KCNA6: variants seen among roughly 807,000 people sequenced by gnomAD.
KCNA6 encodes human brain potassium channel-2.
In KCNA6, 17 loss-of-function variants were observed where a neutral mutation model predicts 29.5. The ratio of observed to expected loss-of-function variants is 0.58; its 90% CI spans 0.39 to 0.86. The LOEUF (loss-of-function observed/expected upper bound fraction) is 0.86. Among genes scored for constraint, KCNA6 ranks in the 40% least tolerant of loss-of-function variants. The probability of loss-of-function intolerance (pLI) is 0.00; values close to 1 mark genes in which losing one functional copy is unlikely to be tolerated. For synonymous variants in KCNA6, 296 were observed against 304.7 expected, an observed-to-expected ratio of 0.97 and a Z score of 0.30; for missense variants, 450 against 703.4, an observed-to-expected ratio of 0.64 and a Z score of 4.07.
At chr12:4,845,984 GTT>G in the KCNA6 span, among the ~76,000 whole-genome samples, 614 of 129,462 alleles carry the variant, frequency 4.7e-3, 1 homozygote, top group African/African-American at 0.017. Flanking sequence ...GAATTTTAGA[GTT>G]TTTTTTTTTT....
chr12:4,829,325 A>G, the KCNA6 span, among the ~76,000 whole-genome samples: 1 of 152,072 alleles, frequency 6.6e-6, no homozygotes, highest in East Asian at 1.9e-4. Flanking sequence ...CCCCTCCTTG[A>G]GCTGATTTGC....
the KCNA6 span, among the ~76,000 whole-genome samples, chr12:4,829,741 A>C: frequency 2.0e-5 from 3 of 152,118 alleles, no homozygotes; most frequent in African/African-American, 7.2e-5. Context: ...GTGTGCAGCC[A>C]TAGTTGGGTA....
At chr12:4,829,393 A>G in the KCNA6 span, among the ~76,000 whole-genome samples, 1 of 152,196 alleles carries the variant, frequency 6.6e-6, no homozygotes, top group African/African-American at 2.4e-5. Flanking sequence ...GAGCTAATCG[A>G]CAAACTTTTC....
chr12:4,849,041 AC>A, the KCNA6 span, among the ~76,000 whole-genome samples: 87,929 of 151,072 alleles, frequency 0.58, 25,876 homozygotes, highest in Admixed American at 0.64. Context: ...AATCATTTGA[AC>A]CCCGGGAGTC....
chr12:4,839,012 A>T, the KCNA6 span: 11 of 152,236 alleles, frequency 7.2e-5, no homozygotes, highest in African/African-American at 2.7e-4. Context: ...CCTTAAAGAT[A>T]TTCTCCTGCT....
rs1348771593 is a variant in KCNA6, at chr12:4,810,040, G to A, written c.-2G>A. ...TGGCGGGGAGCGCACCTCCGAGGGG[G>A]CATGAGATCGGAGAAATCCCTTACG... On this transcript the variant is annotated 5_prime_UTR_variant, in exon 1 of 1. Transcript: ENST00000280684. This position sits in a 1 kb window ranked among gnomAD's most constrained non-coding sequence, Gnocchi z 7.5. The A allele has an allele frequency of 6.6e-7, 1 of 1,519,078 alleles. No individual in the cohort carries two copies. The highest frequency in any genetic ancestry group is 8.8e-7 in the Non-Finnish European group (1 of 1,138,352). The allele number at this position is 1,519,078 out of a possible 1,614,324, so 94.1% of individuals were successfully genotyped here.
the KCNA6 span, among the ~76,000 whole-genome samples, chr12:4,842,307 C>G: frequency 0.71 from 107,592 of 151,922 alleles, 38,927 homozygotes; most frequent in African/African-American, 0.77. Flanking sequence ...CCCATGATGA[C>G]AGAAACATGG....
At chr12:4,837,516 C>T in the KCNA6 span, among the ~76,000 whole-genome samples, 1 of 152,038 alleles carries the variant, frequency 6.6e-6, no homozygotes, top group Non-Finnish European at 1.5e-5. Context: ...GGATCTGATG[C>T]TGTCTCCAGG....
the KCNA6 span, among the ~76,000 whole-genome samples, chr12:4,827,481 GGGA>G: frequency 1.3e-5 from 2 of 152,198 alleles, no homozygotes; most frequent in Non-Finnish European, 2.9e-5. Context: ...CAGCCCAGCA[GGGA>G]TGCGAACCAG....
At chr12:4,841,863 C>T in the KCNA6 span, among the ~76,000 whole-genome samples, 1 of 152,000 alleles carries the variant, frequency 6.6e-6, no homozygotes, top group Non-Finnish European at 1.5e-5. Flanking sequence ...TTATTTAAAC[C>T]AAAGCAATAC....
chr12:4,843,700 G>A, the KCNA6 span, among the ~76,000 whole-genome samples: 10,492 of 152,198 alleles, frequency 0.069, 563 homozygotes, highest in East Asian at 0.27. Flanking sequence ...CACGGTAGAA[G>A]TCAAAGTGGG....
At chr12:4,824,034 G>T in the KCNA6 span, among the ~76,000 whole-genome samples, 1 of 152,180 alleles carries the variant, frequency 6.6e-6, no homozygotes, top group African/African-American at 2.4e-5. Flanking sequence ...TTCCCCACTG[G>T]TGTCTGCCTG....
chr12:4,818,926 AC>A, the KCNA6 span, among the ~76,000 whole-genome samples: 11 of 152,240 alleles, frequency 7.2e-5, no homozygotes, highest in South Asian at 4.1e-4. Context: ...ACACATACAT[AC>A]ATACACAAAA....
rs1355950653 is a variant in KCNA6, at chr12:4,810,736, A to C, written c.695A>C (p.Tyr232Ser). The change falls in exon 1 of 1, where the codon TAC (tyrosine) becomes TCC (serine). Residue 232 changes from tyrosine to serine, a missense_variant. Physicochemically the swap from Tyr to Ser is moderately radical, Grantham distance 144 (BLOSUM62 -2). Transcript: ENST00000280684. This position sits in a 1 kb window ranked among gnomAD's most constrained non-coding sequence, Gnocchi z 7.5. ...GAAGAGGAGGATGAAGACGATTCCT[A>C]CACATTTCATCATGGCATCACCCCT... 5.6e-6 allele frequency: 9 copies of C among 1,611,288 alleles called. No homozygotes were observed. The highest frequency in any genetic ancestry group is 1.3e-5 in the African/African-American group (1 of 74,864).
downstream of KCNA6, among the ~76,000 whole-genome samples, chr12:4,815,233 C>T (rs950039811): frequency 6.6e-6 from 1 of 152,116 alleles, no homozygotes. Flanking sequence ...CGAGGTCGCA[C>T]ATTGAACTGT....
the KCNA6 span, among the ~76,000 whole-genome samples, chr12:4,838,259 A>G: frequency 6.6e-6 from 1 of 152,208 alleles, no homozygotes; most frequent in African/African-American, 2.4e-5. Flanking sequence ...CTGCCTGGGA[A>G]TCAAGTTGAG....
chr12:4,823,753 C>T, the KCNA6 span, among the ~76,000 whole-genome samples: 1 of 151,998 alleles, frequency 6.6e-6, no homozygotes, highest in Non-Finnish European at 1.5e-5. Flanking sequence ...GGCGACAGAG[C>T]GAGACTCCAT....
chr12:4,833,043 A>G, the KCNA6 span, among the ~76,000 whole-genome samples: 1 of 152,182 alleles, frequency 6.6e-6, no homozygotes, highest in Non-Finnish European at 1.5e-5. Context: ...TCAGGGAACT[A>G]TAGGCTGCAT....
At chr12:4,821,762 C>G in the KCNA6 span, among the ~76,000 whole-genome samples, 1 of 152,226 alleles carries the variant, frequency 6.6e-6, no homozygotes, top group African/African-American at 2.4e-5. Context: ...CAGCGGCCCC[C>G]TGCAGAAGGA....
Sources: allele counts gnomAD v4.1 joint callset (sites outside exome capture counted in the v4.1 genomes callset), GRCh38; gene constraint gnomAD v4.1.1; non-coding constraint Gnocchi (gnomAD v3.1); transcripts MANE v1.5; gene names NCBI Gene and HGNC (gene_info 2026-07-23, HGNC 2026-07-21).